GPR137B: variants seen among roughly 807,000 people sequenced by gnomAD.
GPR137B encodes the protein integral membrane protein GPR137B.
In GPR137B, 42 loss-of-function variants were observed where a neutral mutation model predicts 42.5. The ratio of observed to expected loss-of-function variants is 0.99; its 90% confidence interval spans 0.77 to 1.28. The LOEUF is 1.28. Among genes scored for constraint, GPR137B ranks in the 50% most tolerant of loss-of-function variants. GPR137B has a pLI of 0.00. For synonymous variants in GPR137B, 218 were observed against 209.7 expected (o/e 1.04, Z -0.34); for missense variants, 487 against 493.9 (o/e 0.99, Z 0.13).
At chr1:236,192,793 A>AATATGTGATATTAGATGATAAAAAC (rs1663231190) in intron 5 of GPR137B, among the ~76,000 whole-genome samples, 1 of 151,984 alleles carries the variant, frequency 6.6e-6, no homozygotes, top group Non-Finnish European at 1.5e-5. Context: ...TCGGCCATCT[A>AATATGTGATATTAGATGATAAAAAC]ATAGGTGATA....
intron 2 of GPR137B, among the ~76,000 whole-genome samples, chr1:236,169,345 C>G (rs1662466519): frequency 6.6e-6 from 1 of 152,234 alleles, no homozygotes; most frequent in Non-Finnish European, 1.5e-5. Flanking sequence ...CCTTGTTTTC[C>G]AGAACTTCAG....
rs1302772636 is a variant in GPR137B at position 236,142,973 on chromosome 1, C to G, written c.351C>G (p.Leu117=). 8.1e-6 allele frequency: 13 copies of G among 1,614,062 alleles called. No individual in the cohort carries two copies. The highest frequency in any genetic ancestry group is 1.3e-5 in the African/African-American group (1 of 75,074). The change falls in exon 1 of 7, where the codon CTC becomes CTG. Residue 117 remains leucine (L), a synonymous_variant. Transcript: ENST00000366592. ...NSLSPFVFWL[L]YCFPVCLQFF... ...TCAGCCCCTTCGTCTTCTGGCTGCT[C>G]TACTGCTTCCCTGTGTGCCTGCAGT...
chr1:236,168,625 A>C (rs947241270), intron 1 of GPR137B, 81 bp from the exon 2 acceptor site: 8 of 1,027,408 alleles, frequency 7.8e-6, no homozygotes, highest in Admixed American at 1.7e-5. Context: ...ATGAAGGGGC[A>C]GAGGAATTCC....
intron 1 of GPR137B, among the ~76,000 whole-genome samples, chr1:236,162,495 G>A (rs1662230305): frequency 6.6e-6 from 1 of 152,232 alleles, no homozygotes; most frequent in Non-Finnish European, 1.5e-5. Flanking sequence ...TGGGGAAAAT[G>A]TCCCCAGGCC....
At chr1:236,170,932 T>A (rs1208481893) in intron 2 of GPR137B, among the ~76,000 whole-genome samples, 1 of 146,826 alleles carries the variant, frequency 6.8e-6, no homozygotes, top group East Asian at 2.0e-4. Flanking sequence ...GTGGAGATCA[T>A]GCCACTGCAC....
intron 1 of GPR137B, among the ~76,000 whole-genome samples, chr1:236,153,892 A>C (rs1046950489): frequency 6.6e-6 from 1 of 152,188 alleles, no homozygotes; most frequent in African/African-American, 2.4e-5. Context: ...ATGAAATCAA[A>C]ATATTTCCCA....
intron 1 of GPR137B, among the ~76,000 whole-genome samples, chr1:236,167,998 G>T (rs954403492): frequency 1.3e-5 from 2 of 152,222 alleles, no homozygotes; most frequent in Admixed American, 1.3e-4. Context: ...AGTCCAATTT[G>T]ATACTTCTTT....
At chr1:236,199,568 G>A (rs537915519) in intron 5 of GPR137B, among the ~76,000 whole-genome samples, 3 of 152,054 alleles carry the variant, frequency 2.0e-5, no homozygotes, top group Non-Finnish European at 2.9e-5. Flanking sequence ...TTTCGATCTC[G>A]CTAGTTGTTA....
rs372414720 is a variant in GPR137B, at chr1:236,148,341, C to T, written c.414+5305C>T. Reference sequence around the variant, plus strand: ...GATGTGGCGGTGGGCTCGGTGACACCTCGGCAGCCACGTATCCCAGCCCTT... The same window carrying T: ...GATGTGGCGGTGGGCTCGGTGACACTTCGGCAGCCACGTATCCCAGCCCTT... On this transcript the variant is annotated intron_variant, in intron 1 of 6. Coordinates refer to ENST00000366592, the MANE Select transcript of GPR137B (RefSeq NM_003272.4). 8.5e-5 allele frequency among the ~76,000 whole-genome samples: 13 copies of T among 152,326 alleles called. 1 individual carries two copies. The East Asian group carries it at 2.3e-3, about 27-fold the overall frequency.
chr1:236,202,047 G>A (rs1406660792), intron 5 of GPR137B, among the ~76,000 whole-genome samples: 2 of 151,972 alleles, frequency 1.3e-5, no homozygotes, highest in Non-Finnish European at 2.9e-5. Flanking sequence ...CAGGGCTACC[G>A]GGCTTTGGAC....
chr1:236,203,817 T>C (rs1335471993), intron 5 of GPR137B, among the ~76,000 whole-genome samples: 2 of 152,252 alleles, frequency 1.3e-5, no homozygotes, highest in Non-Finnish European at 2.9e-5. Flanking sequence ...TCTTGGTATA[T>C]AGAAATGCTA....
intron 2 of GPR137B, among the ~76,000 whole-genome samples, chr1:236,170,973 CAAAAAAA>C (rs780390422): frequency 1.2e-5 from 1 of 83,054 alleles, no homozygotes; most frequent in Admixed American, 1.3e-4. Flanking sequence ...GACTCTGTCT[CAAAAAAA>C]AAAAAAAAAG....
At chr1:236,177,244 C>G (rs1662714234) in intron 2 of GPR137B, among the ~76,000 whole-genome samples, 1 of 152,140 alleles carries the variant, frequency 6.6e-6, no homozygotes, top group Admixed American at 6.6e-5. Flanking sequence ...AAAACTGCAG[C>G]TGGGCATGGA....
At position 236,143,002 on chromosome 1, in the gene GPR137B, T is replaced by C. The variant is rs142787025; in HGVS notation, c.380T>C (p.Phe127Ser). 1 of 1,613,836 alleles carries C rather than the reference T, an allele frequency of 6.2e-7. No homozygotes were observed. Among genetic ancestry groups the C allele is most frequent in the Non-Finnish European group, 8.5e-7 (1 of 1,179,960 alleles). The change falls in exon 1 of 7, where the codon TTC (phenylalanine) becomes TCC (serine). Residue 127 changes from phenylalanine to serine, a missense_variant. Phe to Ser is a radical substitution (Grantham distance 155). Transcript: ENST00000366592. ...LYCFPVCLQF[F>S]TLTLMNLYFT... ...TGCTTCCCTGTGTGCCTGCAGTTTTTCACCCTCACGCTGATGAACTTGTAC... is the reference window on the plus strand; with the variant it reads ...TGCTTCCCTGTGTGCCTGCAGTTTTCCACCCTCACGCTGATGAACTTGTAC...
intron 1 of GPR137B, among the ~76,000 whole-genome samples, chr1:236,167,447 CA>C (rs1197837646): frequency 2.0e-5 from 3 of 151,638 alleles, no homozygotes; most frequent in African/African-American, 7.3e-5. Context: ...ATGTGGAATC[CA>C]AACAAGTTAG....
chr1:236,199,876 T>C (rs1336415212), intron 5 of GPR137B, among the ~76,000 whole-genome samples: 2 of 152,066 alleles, frequency 1.3e-5, no homozygotes, highest in Non-Finnish European at 2.9e-5. Flanking sequence ...ATCTTTGTTA[T>C]TTCTTTTCTT....
At chr1:236,162,505 C>T (rs141733162) in intron 1 of GPR137B, among the ~76,000 whole-genome samples, 5 of 152,222 alleles carry the variant, frequency 3.3e-5, no homozygotes, top group African/African-American at 1.2e-4. Context: ...GTCCCCAGGC[C>T]ATGTCAGAGA....
chr1:236,158,676 C>G lies in GPR137B; in HGVS notation c.415-10030C>G, dbSNP rs58125322. ...CTTGGTGCACTAAGAGTTTCAGTCC[C>G]CCTCAGTTACTGCGAGGGTCTCCTC... On this transcript the variant is annotated intron_variant, in intron 1 of 6. Transcript: ENST00000366592. 3.4e-3 allele frequency among the ~76,000 whole-genome samples: 517 copies of G among 152,240 alleles called. 10 individuals are homozygous for G. The highest frequency in any genetic ancestry group is 0.024 in the Admixed American group (363 of 15,300).
At chr1:236,144,650 C>A (rs1166623344) in intron 1 of GPR137B, among the ~76,000 whole-genome samples, 1 of 152,230 alleles carries the variant, frequency 6.6e-6, no homozygotes, top group Non-Finnish European at 1.5e-5. Context: ...CAAGTACAAC[C>A]TTTAAACCTG....
Sources: allele counts gnomAD v4.1 joint callset (sites outside exome capture counted in the v4.1 genomes callset), GRCh38; gene constraint gnomAD v4.1.1; transcripts MANE v1.5; gene names NCBI Gene and HGNC (gene_info 2026-07-23, HGNC 2026-07-21).